The following MAP3K5 variants were observed in gnomAD, a reference collection of about 807,000 sequenced individuals.
MAP3K5 encodes the protein ASK-1.
In MAP3K5, 56 loss-of-function variants were observed where a neutral mutation model predicts 158.7. The ratio of observed to expected loss-of-function variants is 0.35; its 90% CI spans 0.28 to 0.44. MAP3K5 has a LOEUF of 0.44. Ranked by LOEUF, MAP3K5 falls within the 20% of genes least tolerant of loss-of-function variation. The pLI, the probability that MAP3K5 is intolerant of heterozygous loss-of-function variation, is 1.00. For missense variants in MAP3K5, 1,294 were observed against 1,674.8 expected, an observed-to-expected ratio of 0.77 and a Z score of 3.97; for synonymous variants, 579 against 601.7, an observed-to-expected ratio of 0.96 and a Z score of 0.55.
chr6:136,592,796 A>C, intron 21 of MAP3K5, 182 bp from the exon 22 acceptor site: 4 of 667,220 alleles, frequency 6.0e-6, no homozygotes, highest in East Asian at 3.0e-5. Flanking sequence ...CATAACCCAT[A>C]CAGCAGGGTA....
At chr6:136,600,400 C>T (rs1775823373) in intron 21 of MAP3K5, among the ~76,000 whole-genome samples, 1 of 151,934 alleles carries the variant, frequency 6.6e-6, no homozygotes, top group Non-Finnish European at 1.5e-5. Flanking sequence ...CACCATATTG[C>T]CCAGGCTGGT....
chr6:136,755,055 C>T (rs539612002), intron 1 of MAP3K5, among the ~76,000 whole-genome samples: 2 of 152,180 alleles, frequency 1.3e-5, no homozygotes, highest in South Asian at 4.1e-4. Context: ...GGTCTCCTAA[C>T]GCATGCAACT....
At chr6:136,771,921 T>A (rs1784215015) in intron 1 of MAP3K5, among the ~76,000 whole-genome samples, 1 of 145,256 alleles carries the variant, frequency 6.9e-6, no homozygotes, top group African/African-American at 2.7e-5. Context: ...TCCCTTTTTA[T>A]TTTTTTTTTA....
intron 7 of MAP3K5, among the ~76,000 whole-genome samples, chr6:136,671,759 A>G (rs1254860425): frequency 1.3e-5 from 2 of 151,252 alleles, no homozygotes; most frequent in East Asian, 1.9e-4. Context: ...GATTACAGGC[A>G]TGCACCACCA....
Position 136,567,740 on chromosome 6 carries a change from C to T in MAP3K5, c.3652G>A (p.Val1218Met). The T allele has an allele frequency of 1.9e-6, 3 of 1,614,106 alleles. No homozygotes were observed. Among genetic ancestry groups the T allele is most frequent in the East Asian group, 2.2e-5 (1 of 44,872 alleles). Reference protein sequence around the residue: ...RRPQAVIEDAVATSGVSTLSS... With the variant: ...RRPQAVIEDAMATSGVSTLSS... ...AGCGTGCTCACGCCTGAGGTAGCCACAGCATCTTCAATGACAGCCTGAGGT... is the reference window on the plus strand; with the variant it reads ...AGCGTGCTCACGCCTGAGGTAGCCATAGCATCTTCAATGACAGCCTGAGGT... The change falls in exon 26 of 30, where the codon GTG (valine) becomes ATG (methionine). Residue 1218 changes from valine to methionine, a missense_variant. Val to Met is a conservative substitution (Grantham distance 21). This residue lies in a region of MAP3K5 where 199 missense variants were observed against 220.3 expected (regional missense o/e 0.90). Coordinates refer to ENST00000359015, the MANE Select transcript of MAP3K5 (RefSeq NM_005923.4).
chr6:136,737,602 G>A (rs929285827), intron 1 of MAP3K5, among the ~76,000 whole-genome samples: 3 of 152,202 alleles, frequency 2.0e-5, no homozygotes, highest in Non-Finnish European at 4.4e-5. Context: ...GGAGGCTCCG[G>A]TTTCTTCGCC....
At chr6:136,713,040 A>G (rs1007026949) in intron 2 of MAP3K5, among the ~76,000 whole-genome samples, 9 of 152,140 alleles carry the variant, frequency 5.9e-5, no homozygotes, top group Non-Finnish European at 1.3e-4. Flanking sequence ...TATTTCAGTA[A>G]TAGTTTCAAA....
chr6:136,685,357 C>T (rs1039917906), intron 7 of MAP3K5, among the ~76,000 whole-genome samples: 1 of 152,092 alleles, frequency 6.6e-6, no homozygotes, highest in Middle Eastern at 3.4e-3. Context: ...CATTTTCCCC[C>T]TATTTTCTGT....
At chr6:136,738,566 A>G (rs1782575608) in intron 1 of MAP3K5, among the ~76,000 whole-genome samples, 1 of 152,214 alleles carries the variant, frequency 6.6e-6, no homozygotes, top group African/African-American at 2.4e-5. Context: ...TCACCACAGC[A>G]ACAGACAGTA....
intron 1 of MAP3K5, among the ~76,000 whole-genome samples, chr6:136,771,073 G>C (rs1784180305): frequency 6.6e-6 from 1 of 152,130 alleles, no homozygotes; most frequent in Admixed American, 6.5e-5. Flanking sequence ...TACGTTTGAG[G>C]CTCCTGTGGG....
At chr6:136,760,489 T>C (rs1158349897) in intron 1 of MAP3K5, among the ~76,000 whole-genome samples, 1 of 152,260 alleles carries the variant, frequency 6.6e-6, no homozygotes, top group Admixed American at 6.5e-5. Context: ...ATTCAGTGAA[T>C]GTAATTAATG....
intron 1 of MAP3K5, among the ~76,000 whole-genome samples, chr6:136,786,379 CAAAA>C (rs11398691): frequency 1.2e-5 from 1 of 81,002 alleles, no homozygotes; most frequent in Non-Finnish European, 2.5e-5. Context: ...AACTCCATCT[CAAAA>C]AAAAAAAAAA....
chr6:136,576,159 T>C (rs1774606758), intron 25 of MAP3K5, among the ~76,000 whole-genome samples: 1 of 152,220 alleles, frequency 6.6e-6, no homozygotes, highest in South Asian at 2.1e-4. Context: ...TTTTATTCTA[T>C]AATCTATAAT....
chr6:136,630,304 G>A (rs1777282337), intron 14 of MAP3K5: 2 of 152,262 alleles, frequency 1.3e-5, no homozygotes, highest in East Asian at 3.9e-4. Context: ...AGCAGAGTTG[G>A]GCCCGATTAA....
intron 25 of MAP3K5, among the ~76,000 whole-genome samples, chr6:136,573,825 T>C (rs1774475035): frequency 6.6e-6 from 1 of 152,204 alleles, no homozygotes; most frequent in African/African-American, 2.4e-5. Context: ...AGCCAGTGCA[T>C]TGTTTCCAAA....
At chr6:136,562,431 TC>T (rs759936293) in intron 27 of MAP3K5, 71 bp downstream of exon 27, 41 of 676,508 alleles carry the variant, frequency 6.1e-5, no homozygotes, top group Middle Eastern at 5.2e-4. Flanking sequence ...AAATAAAACT[TC>T]CTGTTGGCTT....
chr6:136,651,579 A>G (rs891459366), intron 10 of MAP3K5, among the ~76,000 whole-genome samples: 1 of 152,196 alleles, frequency 6.6e-6, no homozygotes, highest in African/African-American at 2.4e-5. Flanking sequence ...AAACTTAGAA[A>G]TGGTTTTGGT....
chr6:136,772,403 T>C (rs1047475018), intron 1 of MAP3K5, among the ~76,000 whole-genome samples: 1 of 152,042 alleles, frequency 6.6e-6, no homozygotes, highest in Admixed American at 6.5e-5. Flanking sequence ...TGCACCTCTC[T>C]GTATACAGAT....
rs886970942 is a variant in MAP3K5, at chr6:136,698,649, T to A, written c.646A>T (p.Met216Leu). 5 of 1,613,806 alleles carry A rather than the reference T, an allele frequency of 3.1e-6. No individual in the cohort carries two copies. The change falls in exon 4 of 30, where the codon ATG (methionine) becomes TTG (leucine). Residue 216 changes from methionine to leucine, a missense_variant. Coordinates refer to ENST00000359015, the MANE Select transcript of MAP3K5 (RefSeq NM_005923.4). ...TAGACTTTGTTATGTGGAGTTATCA[T>A]GTAAGGAACAAAGGTGTAGTTCCCA... ...CTGNYTFVPYMITPHNKVYCC... is the reference protein window; with the variant it reads ...CTGNYTFVPYLITPHNKVYCC...
Sources: allele counts gnomAD v4.1 joint callset (sites outside exome capture counted in the v4.1 genomes callset), GRCh38; gene constraint gnomAD v4.1.1; regional missense constraint gnomAD v4.1.1; transcripts MANE v1.5; gene names NCBI Gene and HGNC (gene_info 2026-07-23, HGNC 2026-07-21).